The following PRKN variants were observed in gnomAD, a reference collection of about 807,000 sequenced individuals.
The protein encoded by PRKN is parkin RBR E3 ubiquitin protein ligase, also known as E3 ubiquitin-protein ligase parkin.
Under a neutral mutation model 59.5 loss-of-function variants are expected in PRKN, and 56 were observed. That is an observed-to-expected ratio of 0.94 (90% CI 0.76 to 1.18). PRKN has a LOEUF of 1.18. Among genes scored for constraint, PRKN ranks in the 50% most tolerant of loss-of-function variants. The pLI, the probability that PRKN is intolerant of heterozygous loss-of-function variation, is 0.00. For missense variants in PRKN, 657 were observed against 596.4 expected, an observed-to-expected ratio of 1.10 and a Z score of -1.06; for synonymous variants, 250 against 222.1, an observed-to-expected ratio of 1.13 and a Z score of -1.12.
At position 161,459,046 on chromosome 6, in the gene PRKN, T is replaced by A. The variant is rs9458268; in HGVS notation, c.1084-72169A>T. On this transcript the variant is annotated intron_variant, in intron 9 of 11. Coordinates refer to ENST00000366898, the MANE Select transcript of PRKN (RefSeq NM_004562.3). This position sits in a 1 kb window ranked among gnomAD's most constrained non-coding sequence, Gnocchi z 4.8. ...GATTTTAAGGCAAGGCTGAGCTTTC[T>A]AAAGCTACAAGCACTTCCTTCCTCA... Among the ~76,000 whole-genome samples, 2,776 of 152,286 alleles carry A rather than the reference T, an allele frequency of 0.018. 78 individuals are homozygous for A. Among genetic ancestry groups the A allele is most frequent in the African/African-American group, 0.058 (2,409 of 41,556 alleles).
chr6:161,728,612 G>GA (rs989788002), intron 7 of PRKN, among the ~76,000 whole-genome samples: 4 of 151,902 alleles, frequency 2.6e-5, no homozygotes, highest in Admixed American at 2.6e-4. Flanking sequence ...ACAAACACAG[G>GA]AAAAAAAGGA....
chr6:161,803,723 G>A (rs1358080099), intron 6 of PRKN, among the ~76,000 whole-genome samples: 1 of 152,190 alleles, frequency 6.6e-6, no homozygotes, highest in Non-Finnish European at 1.5e-5. Flanking sequence ...TATTAGATGT[G>A]TGACCTATTG....
Position 161,371,662 on chromosome 6 carries a change from G to A in PRKN, c.1168-11457C>T, listed in dbSNP as rs145100170. Among the ~76,000 whole-genome samples, 10 of 151,574 alleles carry A rather than the reference G, an allele frequency of 6.6e-5. No homozygotes were observed. Among genetic ancestry groups the A allele is most frequent in the African/African-American group, 9.7e-5 (4 of 41,296 alleles). On this transcript the variant is annotated intron_variant, in intron 10 of 11. Coordinates refer to ENST00000366898, the MANE Select transcript of PRKN (RefSeq NM_004562.3). The surrounding 1 kb of genome is among the most constrained non-coding windows in gnomAD (Gnocchi z 5.5). ...TTATTTATTTATCTATTTTTGAGACGGAGTTTTGCTCTGTCACCTAGGCTG... is the reference window on the plus strand; with the variant it reads ...TTATTTATTTATCTATTTTTGAGACAGAGTTTTGCTCTGTCACCTAGGCTG...
chr6:162,601,184 C>G (rs1781694563), intron 1 of PRKN, among the ~76,000 whole-genome samples: 1 of 152,058 alleles, frequency 6.6e-6, no homozygotes, highest in Admixed American at 6.6e-5. Context: ...CAGCTTGGGC[C>G]TCTCTTCTTC....
At chr6:162,447,068 C>T (rs1790350027) in intron 1 of PRKN, among the ~76,000 whole-genome samples, 3 of 152,142 alleles carry the variant, frequency 2.0e-5, no homozygotes, top group Non-Finnish European at 4.4e-5. Flanking sequence ...ATGTCTGTTA[C>T]ACAAGATTTA....
At chr6:162,017,963 A>G (rs1199300552) in intron 5 of PRKN, among the ~76,000 whole-genome samples, 1 of 152,170 alleles carries the variant, frequency 6.6e-6, no homozygotes. Context: ...TGCAATGAGC[A>G]CCATGACCCT....
At chr6:162,180,270 C>T (rs1015468888) in intron 4 of PRKN, among the ~76,000 whole-genome samples, 9 of 152,012 alleles carry the variant, frequency 5.9e-5, no homozygotes, top group Admixed American at 3.9e-4. Context: ...ATAACTTAAT[C>T]GTACATTTAA....
At chr6:162,631,745 T>C (rs1783116842) in intron 1 of PRKN, among the ~76,000 whole-genome samples, 1 of 152,130 alleles carries the variant, frequency 6.6e-6, no homozygotes, top group Non-Finnish European at 1.5e-5. Flanking sequence ...TTTGGGGACT[T>C]AGCCAAAAAA....
In PRKN at chr6:162,055,152, A is replaced by T. The variant is rs142549525; in HGVS notation, c.535-978T>A. Among the ~76,000 whole-genome samples the T allele has an allele frequency of 3.4e-3, 517 of 152,224 alleles. 6 individuals carry two copies. Among genetic ancestry groups the T allele is most frequent in the Middle Eastern group, 0.02 (6 of 294 alleles). Reference sequence around the variant, plus strand: ...ACTCCAGTCTGGGTGACATAGCAAGACTCCATCTCAAAAAACAAACAAATA... The same window carrying T: ...ACTCCAGTCTGGGTGACATAGCAAGTCTCCATCTCAAAAAACAAACAAATA... On this transcript the variant is annotated intron_variant, in intron 4 of 11. Coordinates refer to ENST00000366898, the MANE Select transcript of PRKN (RefSeq NM_004562.3).
chr6:162,051,295 G>T (rs4599606), intron 5 of PRKN, among the ~76,000 whole-genome samples: 1 of 151,916 alleles, frequency 6.6e-6, no homozygotes, highest in Non-Finnish European at 1.5e-5. Context: ...CTTCAGCCAC[G>T]CTCAGGCCTT....
At chr6:161,870,106 C>A (rs1420571995) in intron 6 of PRKN, among the ~76,000 whole-genome samples, 1 of 152,030 alleles carries the variant, frequency 6.6e-6, no homozygotes, top group Non-Finnish European at 1.5e-5. Context: ...AAGTACTAAC[C>A]AGGGCCGACC....
Position 161,592,300 on chromosome 6 carries a change from G to A in PRKN, c.872-22884C>T, listed in dbSNP as rs577204985. Among the ~76,000 whole-genome samples the A allele has an allele frequency of 1.1e-4, 17 of 152,218 alleles. No individual in the cohort carries two copies. The South Asian group carries it at 2.7e-3, about 24-fold the overall frequency. On this transcript the variant is annotated intron_variant, in intron 7 of 11. Transcript: ENST00000366898. This position sits in a 1 kb window ranked among gnomAD's most constrained non-coding sequence, Gnocchi z 4.8. Reference sequence around the variant, plus strand: ...TGTAGGATTTTGGATATGCAGAAACGAATTTCTACCTTAAAGACTGAGGAG... The same window carrying A: ...TGTAGGATTTTGGATATGCAGAAACAAATTTCTACCTTAAAGACTGAGGAG...
At chr6:161,708,120 T>C (rs80153079) in intron 7 of PRKN, among the ~76,000 whole-genome samples, 3,269 of 152,178 alleles carry the variant, frequency 0.021, 121 homozygotes, top group African/African-American at 0.074. Context: ...TTCTCAATAA[T>C]ATAAAAAATT....
At chr6:161,719,839 C>G (rs1265481794) in intron 7 of PRKN, among the ~76,000 whole-genome samples, 1 of 152,154 alleles carries the variant, frequency 6.6e-6, no homozygotes, top group Non-Finnish European at 1.5e-5. Flanking sequence ...GCTATGGTGC[C>G]CAAGCTGGTC....
At chr6:162,060,193 C>T (rs1348161265) in intron 4 of PRKN, among the ~76,000 whole-genome samples, 1 of 152,168 alleles carries the variant, frequency 6.6e-6, no homozygotes, top group Non-Finnish European at 1.5e-5. Context: ...AACATATAAT[C>T]GCATATGTTT....
chr6:161,437,556 G>A (rs1788982378), intron 9 of PRKN, among the ~76,000 whole-genome samples: 1 of 152,184 alleles, frequency 6.6e-6, no homozygotes, highest in South Asian at 2.1e-4. Flanking sequence ...GATGCCACAA[G>A]GCAGGGGAGC....
chr6:162,137,787 C>T (rs919920139), intron 4 of PRKN, among the ~76,000 whole-genome samples: 15 of 152,136 alleles, frequency 9.9e-5, no homozygotes, highest in Admixed American at 3.9e-4. Flanking sequence ...GGCAGAGCCC[C>T]GATGGCTTAT....
intron 1 of PRKN, among the ~76,000 whole-genome samples, chr6:162,562,599 G>A (rs528646376): frequency 3.9e-5 from 6 of 152,156 alleles, no homozygotes; most frequent in Non-Finnish European, 8.8e-5. Flanking sequence ...ATTACAGGGT[G>A]AGGCTCCTCT....
chr6:161,416,331 C>T (rs1292098927), intron 9 of PRKN, among the ~76,000 whole-genome samples: 1 of 152,066 alleles, frequency 6.6e-6, no homozygotes, highest in African/African-American at 2.4e-5. Context: ...TTGTTTTTCT[C>T]GGTCTGTTTT....
Sources: gnomAD v4.1 joint callset for allele counts (sites outside exome capture counted in the v4.1 genomes callset) on GRCh38, gnomAD v4.1.1 for gene constraint, Gnocchi (gnomAD v3.1) non-coding constraint, MANE v1.5 for transcripts, NCBI Gene and HGNC (gene_info 2026-07-23, HGNC 2026-07-21) for gene names.